Variants in CELSR1 observed in about 807,000 individuals in gnomAD.
CELSR1 encodes adhesion G protein-coupled receptor C1.
In CELSR1, 110 loss-of-function variants were observed where a neutral mutation model predicts 249.1. That is an observed-to-expected ratio of 0.44 (90% CI 0.38 to 0.52). CELSR1 has a LOEUF of 0.52. Among genes scored for constraint, CELSR1 ranks in the 20% least tolerant of loss-of-function variants. CELSR1 has a pLI of 0.00. For synonymous variants in CELSR1, 2,113 were observed against 1,900.0 expected (o/e 1.11, Z -2.92); for missense variants, 4,109 against 4,296.4 (o/e 0.96, Z 1.22).
intron 25 of CELSR1, among the ~76,000 whole-genome samples, chr22:46,371,318 G>T (rs1340844675): frequency 6.6e-6 from 1 of 151,966 alleles, no homozygotes; most frequent in Non-Finnish European, 1.5e-5. Flanking sequence ...CCAGGTGGCT[G>T]CTGGGTGCTG....
chr22:46,367,267 G>T, intron 28 of CELSR1, 149 bp from the exon 29 acceptor site: 1 of 1,146,136 alleles, frequency 8.7e-7, no homozygotes, highest in Non-Finnish European at 1.2e-6. Context: ...CCCCTCCTCA[G>T]GGACTGCTGC....
At position 46,423,554 on chromosome 22, in the gene CELSR1, G is replaced by T. The variant is rs141610673; in HGVS notation, c.4611+9839C>A. On this transcript the variant is annotated intron_variant, in intron 5 of 34. Transcript: ENST00000674500. The surrounding 1 kb of genome is among the most constrained non-coding windows in gnomAD (Gnocchi z 5.6). ...TGGGAGGCAGAGGTTGCGGTGAGCC[G>T]AGATCGCGCCTTTACACTCCAGCCT... is the stretch of plus-strand genomic sequence containing the variant. 6.8e-6 allele frequency among the ~76,000 whole-genome samples: 1 copy of T among 147,908 alleles called. No homozygotes were observed. Among genetic ancestry groups the T allele is most frequent in the African/African-American group, 2.5e-5 (1 of 39,700 alleles).
In CELSR1 at chr22:46,381,878, G is replaced by C. The variant is rs754816169; in HGVS notation, c.7056C>G (p.Pro2352=). 4.5e-6 allele frequency: 7 copies of C among 1,571,524 alleles called. No individual in the cohort carries two copies. The highest frequency in any genetic ancestry group is 2.3e-5 in the South Asian group (2 of 85,780). ...IIYRTLGQLL[P]ERYDPDRRSL... is the part of the protein sequence containing the mutation. ...TGCGACGGTCGGGGTCGTAGCGCTC[G>C]GGCAGGAGCTGCCCCAGGGTGCGGT... Residue 2352 remains proline, a synonymous_variant, in exon 21 of 35, where the codon CCC becomes CCG. Transcript: ENST00000674500. This position sits in a 1 kb window ranked among gnomAD's most constrained non-coding sequence, Gnocchi z 6.0.
chr22:46,401,306 A>C lies in CELSR1; in HGVS notation c.5227-1404T>G, dbSNP rs991533310. 7.2e-5 allele frequency among the ~76,000 whole-genome samples: 11 copies of C among 152,244 alleles called. No homozygotes were observed. The highest frequency in any genetic ancestry group is 2.7e-4 in the African/African-American group (11 of 41,454). On this transcript the variant is annotated intron_variant, in intron 9 of 34. Transcript: ENST00000674500. The surrounding 1 kb of genome is among the most constrained non-coding windows in gnomAD (Gnocchi z 4.7). ...GCAGCGTGAAAATCTTAGATCTCCTAAGAAAGGACTTGGCAATTTGGACCA... is the reference window on the plus strand; with the variant it reads ...GCAGCGTGAAAATCTTAGATCTCCTCAGAAAGGACTTGGCAATTTGGACCA...
chr22:46,532,055 G>C lies in CELSR1; in HGVS notation c.3544+1572C>G, dbSNP rs900487351. ...CTCTCAGGAACCAACCTCCTTGGAA[G>C]GGAATCCATCCTAAACCCTGCTGTC... On this transcript the variant is annotated intron_variant, in intron 1 of 34. Coordinates refer to ENST00000674500, the MANE Select transcript of CELSR1 (RefSeq NM_001378328.1). Among the ~76,000 whole-genome samples, 23 of 152,210 alleles carry C rather than the reference G, an allele frequency of 1.5e-4. 1 individual carries two copies. The highest frequency in any genetic ancestry group is 7.2e-4 in the Admixed American group (11 of 15,280).
At chr22:46,394,404 A>T in intron 13 of CELSR1, 142 bp from the exon 14 acceptor site, 2 of 943,194 alleles carry the variant, frequency 2.1e-6, no homozygotes, top group Non-Finnish European at 1.5e-6. Context: ...TCCACGTTAC[A>T]TGGCCTCAGT....
In CELSR1 at chr22:46,481,398, C is replaced by G. The variant is rs555800165; in HGVS notation, c.3545-17053G>C. 81 of 1,202,360 alleles carry G rather than the reference C, an allele frequency of 6.7e-5. 2 individuals carry two copies. The Middle Eastern group carries it at 6.0e-3, about 89-fold the overall frequency. The allele number at this position is 1,202,360 out of a possible 1,614,324, so 74.5% of individuals were successfully genotyped here. A position where few individuals can be genotyped will look rare whatever the true frequency, so the allele number is the denominator to read the frequency against. On this transcript the variant is annotated intron_variant, in intron 1 of 34. Transcript: ENST00000674500. ...TTGGGAGCAGGTGCATGTGGTCATC[C>G]ACACACTTGGTCACACCACCTTCCA...
intron 26 of CELSR1, 122 bp from the exon 27 acceptor site, chr22:46,369,380 C>G: frequency 2.4e-6 from 2 of 828,050 alleles, no homozygotes; most frequent in Non-Finnish European, 3.9e-6. Flanking sequence ...GGACCCGAAC[C>G]CTGGCCTGTG....
chr22:46,413,800 G>A lies in CELSR1; in HGVS notation c.4612-2041C>T, dbSNP rs1009489651. Among the ~76,000 whole-genome samples, 4 of 152,208 alleles carry A rather than the reference G, an allele frequency of 2.6e-5. No homozygotes were observed. The highest frequency in any genetic ancestry group is 5.9e-5 in the Non-Finnish European group (4 of 68,034). ...CCCACTTTGGAAAACGCGTGGAAGT[G>A]CCCATTATGGGACGCTTAAATGTGA... On this transcript the variant is annotated intron_variant, in intron 5 of 34. Transcript: ENST00000674500. The surrounding 1 kb of genome is among the most constrained non-coding windows in gnomAD (Gnocchi z 4.7).
intron 2 of CELSR1, among the ~76,000 whole-genome samples, chr22:46,455,497 T>A (rs564965919): frequency 6.6e-6 from 1 of 152,214 alleles, no homozygotes; most frequent in Non-Finnish European, 1.5e-5. Flanking sequence ...CCCAAAGTGA[T>A]AGGATTACAG....
In CELSR1 at chr22:46,512,738, G is replaced by C. The variant is rs1280500402; in HGVS notation, c.3544+20889C>G. On this transcript the variant is annotated intron_variant, in intron 1 of 34. Coordinates refer to ENST00000674500, the MANE Select transcript of CELSR1 (RefSeq NM_001378328.1). This position sits in a 1 kb window ranked among gnomAD's most constrained non-coding sequence, Gnocchi z 5.2. ...GTCACGGGGATCAGGCACAGCTCCT[G>C]CTTATAGAGGGTAGCGGGTTTCCGT... 6.6e-6 allele frequency among the ~76,000 whole-genome samples: 1 copy of C among 152,188 alleles called. No individual in the cohort carries two copies. Among genetic ancestry groups the C allele is most frequent in the Non-Finnish European group, 1.5e-5 (1 of 68,034 alleles).
rs902447062 is a variant in CELSR1, at chr22:46,393,782, C to T, written c.5964+360G>A. Among the ~76,000 whole-genome samples the T allele has an allele frequency of 4.6e-5, 7 of 151,768 alleles. No individual in the cohort carries two copies. The highest frequency in any genetic ancestry group is 8.8e-5 in the Non-Finnish European group (6 of 67,968). On this transcript the variant is annotated intron_variant, in intron 14 of 34. Transcript: ENST00000674500. This position sits in a 1 kb window ranked among gnomAD's most constrained non-coding sequence, Gnocchi z 4.1. ...CCAGGAAAATGGCCAACCAGGAGGC[C>T]AGGAGGGCCGGGGTGGTGCCATAGA...
At chr22:46,483,036 A>T (rs954977628) in intron 1 of CELSR1, among the ~76,000 whole-genome samples, 1 of 152,200 alleles carries the variant, frequency 6.6e-6, no homozygotes, top group African/African-American at 2.4e-5. Flanking sequence ...GGACAAAGTG[A>T]AACTGGATCC....
intron 5 of CELSR1, among the ~76,000 whole-genome samples, chr22:46,432,838 CT>C (rs1470515944): frequency 3.9e-5 from 6 of 152,148 alleles, no homozygotes; most frequent in South Asian, 4.1e-4. Context: ...CGCAGGAGAT[CT>C]CCGGGGTCCC....
rs1297252854 is a variant in CELSR1, at chr22:46,390,982, G to A, written c.6250+204C>T. On this transcript the variant is annotated intron_variant, in intron 16 of 34. Transcript: ENST00000674500. The surrounding 1 kb of genome is among the most constrained non-coding windows in gnomAD (Gnocchi z 6.3). ...GCCTGACTGGCGGGCGTCCCCACAC[G>A]CGCTGCACTGTTCATGTTTCTGTTG... Among the ~76,000 whole-genome samples the A allele has an allele frequency of 1.3e-5, 2 of 152,176 alleles. No homozygotes were observed. The highest frequency in any genetic ancestry group is 2.1e-4 in the South Asian group (1 of 4,830).
At chr22:46,449,309 ACATC>A (rs372005603) in intron 2 of CELSR1, among the ~76,000 whole-genome samples, 216 of 134,372 alleles carry the variant, frequency 1.6e-3, no homozygotes, top group African/African-American at 4.7e-3. Context: ...CACCCATCAC[ACATC>A]CATCCATCCA....
At chr22:46,421,733 G>A (rs1001497525) in intron 5 of CELSR1, among the ~76,000 whole-genome samples, 6 of 152,222 alleles carry the variant, frequency 3.9e-5, no homozygotes, top group African/African-American at 9.6e-5. Context: ...CGAGATGCAG[G>A]GTAAGTAAAG....
In CELSR1 at chr22:46,390,498, G is replaced by C. The variant is rs937172995; in HGVS notation, c.6251-12C>G. ...TCGGACCGCATTTCCTGGGGAAGGA[G>C]AGCAGGTGTGCAAAGCCTGAAACTC... On this transcript the variant is annotated splice_polypyrimidine_tract_variant and intron_variant, in intron 16 of 34. Transcript: ENST00000674500. The surrounding 1 kb of genome is among the most constrained non-coding windows in gnomAD (Gnocchi z 6.3). The C allele has an allele frequency of 2.5e-6, 4 of 1,607,694 alleles. No homozygotes were observed. The highest frequency in any genetic ancestry group is 2.2e-5 in the South Asian group (2 of 90,466).
chr22:46,392,392 T>C (rs1205040418), intron 14 of CELSR1, among the ~76,000 whole-genome samples: 2 of 152,052 alleles, frequency 1.3e-5, no homozygotes, highest in Non-Finnish European at 2.9e-5. Flanking sequence ...TTGGGCAGAC[T>C]CGTGAGCAAC....
Sources: allele counts gnomAD v4.1 joint callset (sites outside exome capture counted in the v4.1 genomes callset), GRCh38; gene constraint gnomAD v4.1.1; non-coding constraint Gnocchi (gnomAD v3.1); transcripts MANE v1.5; gene names NCBI Gene and HGNC (gene_info 2026-07-23, HGNC 2026-07-21).